ABCA5: variants seen among roughly 807,000 people sequenced by gnomAD.
ABCA5 encodes ATP binding cassette subfamily A member 5.
A neutral mutation model predicts 206.0 loss-of-function variants in ABCA5; 163 were observed. The observed-to-expected ratio is 0.79, with a 90% CI of 0.70 to 0.90. The LOEUF is 0.90. Ranked by LOEUF, ABCA5 falls within the 40% of genes least tolerant of loss-of-function variation. The pLI is 0.00. For missense variants in ABCA5, 1,859 were observed against 1,912.9 expected (o/e 0.97, Z 0.53); for synonymous variants, 609 against 613.8 (o/e 0.99, Z 0.11).
chr17:69,256,173 C>T lies in ABCA5; in HGVS notation c.3842G>A (p.Cys1281Tyr). The T allele has an allele frequency of 6.2e-7, 1 of 1,604,250 alleles. No homozygotes were observed. Among genetic ancestry groups the T allele is most frequent in the Non-Finnish European group, 8.5e-7 (1 of 1,175,802 alleles). ...ATAAATTACCTCCTCACAACACTGG[C>T]AACCCATCAGCTCTTTGACCTTTAG... ...ERLKVKELMG[C>Y]QCCEEKPSIM... is the part of the protein sequence containing the mutation. The change falls in exon 29 of 39, where the codon TGC becomes TAC. Residue 1281 changes from cysteine to tyrosine, a missense_variant. Transcript: ENST00000392676.
intron 15 of ABCA5, among the ~76,000 whole-genome samples, chr17:69,287,173 A>T (rs2075465316): frequency 6.6e-6 from 1 of 152,204 alleles, no homozygotes. Flanking sequence ...TTGAACACTG[A>T]GTATATACTA....
At chr17:69,256,532 T>C (rs538307441) in intron 28 of ABCA5, among the ~76,000 whole-genome samples, 24 of 151,158 alleles carry the variant, frequency 1.6e-4, no homozygotes, top group African/African-American at 5.3e-4. Context: ...CTCAGGTCAC[T>C]ATAACCTCTG....
chr17:69,295,464 T>A (rs1455218592), intron 10 of ABCA5, among the ~76,000 whole-genome samples: 2 of 152,202 alleles, frequency 1.3e-5, no homozygotes, highest in Non-Finnish European at 2.9e-5. Flanking sequence ...CACAAGGAGA[T>A]AATTGAGTCA....
chr17:69,287,855 C>T (rs2075476788), intron 14 of ABCA5, 104 bp from the exon 15 acceptor site: 1 of 1,109,982 alleles, frequency 9.0e-7, no homozygotes, highest in African/African-American at 1.6e-5. Context: ...TTATTATTTT[C>T]AATCAGAAAT....
rs1274651558 is a variant in ABCA5, at chr17:69,247,013, T to C, written c.*524A>G. The C allele has an allele frequency of 6.6e-6, 1 of 152,058 alleles. No individual in the cohort carries two copies. The highest frequency in any genetic ancestry group is 6.6e-5 in the Admixed American group (1 of 15,256). 9.4% of individuals were successfully genotyped at this position (152,058 alleles called of 1,614,324 possible). A position where few individuals can be genotyped will look rare whatever the true frequency, so the allele number is the denominator to read the frequency against. ...ATATAACTTTCCTCAAATCTCTATA[T>C]TGAGATTTCCTAGTGCTTACACTTC... On this transcript the variant is annotated 3_prime_UTR_variant, in exon 39 of 39. Coordinates refer to ENST00000392676, the MANE Select transcript of ABCA5 (RefSeq NM_172232.4).
intron 20 of ABCA5, among the ~76,000 whole-genome samples, chr17:69,271,897 A>C (rs2075277520): frequency 6.6e-6 from 1 of 152,094 alleles, no homozygotes; most frequent in African/African-American, 2.4e-5. Flanking sequence ...ACATAATCAC[A>C]TCTCTACATT....
rs1200797881 is a variant in ABCA5 at position 69,248,143 on chromosome 17, A to C, written c.4821+119T>G. The C allele has an allele frequency of 8.4e-6, 5 of 596,708 alleles. No individual in the cohort carries two copies. The Admixed American group carries it at 1.6e-4, about 19-fold the overall frequency. 37.0% of individuals were successfully genotyped at this position (596,708 alleles called of 1,614,324 possible). On this transcript the variant is annotated intron_variant, in intron 38 of 38. Transcript: ENST00000392676. ...TTAAAATTATACCAAGTTTAAGATC[A>C]TTCTGTACCAATTTGTCACTGGTTT...
intron 10 of ABCA5, among the ~76,000 whole-genome samples, chr17:69,296,534 C>T (rs539793212): frequency 6.5e-4 from 99 of 152,248 alleles, no homozygotes; most frequent in Admixed American, 1.7e-3. Context: ...ATTTAATATG[C>T]TGTATAAAAC....
chr17:69,271,035 G>C, intron 21 of ABCA5, 127 bp downstream of exon 21: 1 of 1,160,260 alleles, frequency 8.6e-7, no homozygotes, highest in Non-Finnish European at 1.2e-6. Flanking sequence ...AAGACAGCTA[G>C]TTATTTCCAA....
chr17:69,250,366 T>C (rs1249397458), intron 36 of ABCA5, 106 bp downstream of exon 36: 2 of 875,476 alleles, frequency 2.3e-6, no homozygotes, highest in Non-Finnish European at 1.7e-6. Context: ...TATATATATA[T>C]ATGGTCTATG....
intron 14 of ABCA5, 91 bp downstream of exon 14, chr17:69,289,086 C>T (rs887912786): frequency 4.7e-6 from 6 of 1,269,020 alleles, no homozygotes; most frequent in Non-Finnish European, 6.4e-6. Flanking sequence ...TACACTTAAC[C>T]TTTACATAAT....
At chr17:69,252,293 G>A (rs1014316036) in intron 34 of ABCA5, among the ~76,000 whole-genome samples, 9 of 152,110 alleles carry the variant, frequency 5.9e-5, no homozygotes, top group Admixed American at 2.0e-4. Flanking sequence ...GATTACAGGC[G>A]TGAGCCACTG....
Position 69,254,437 on chromosome 17 carries a change from C to T in ABCA5, c.4122G>A (p.Lys1374=), listed in dbSNP as rs1268409268. ...SETSEDDDSL[K]CMGYCPQINP... is the part of the protein sequence containing the mutation. ...TTATCTGAGGACAGTAACCCATACA[C>T]TTCAGTGAATCATCATCTTCACTTG... The change falls in exon 32 of 39, where the codon AAG becomes AAA. Residue 1374 remains lysine (K), a synonymous_variant. Transcript: ENST00000392676. 2 of 1,613,410 alleles carry T rather than the reference C, an allele frequency of 1.2e-6. No homozygotes were observed. Among genetic ancestry groups the T allele is most frequent in the South Asian group, 1.1e-5 (1 of 90,934 alleles).
At chr17:69,263,496 A>G (rs1401776988) in intron 24 of ABCA5, among the ~76,000 whole-genome samples, 1 of 151,732 alleles carries the variant, frequency 6.6e-6, no homozygotes. Flanking sequence ...GTCCTTTCCT[A>G]TTGCTTATTT....
chr17:69,272,269 T>C (rs1000559304), intron 20 of ABCA5, among the ~76,000 whole-genome samples: 8 of 151,902 alleles, frequency 5.3e-5, no homozygotes, highest in Admixed American at 5.2e-4. Flanking sequence ...GCACAAGAGA[T>C]ACAAAAAGCT....
At chr17:69,308,247 T>A in intron 5 of ABCA5, 33 bp downstream of exon 5, 1 of 1,342,672 alleles carries the variant, frequency 7.4e-7, no homozygotes, top group Non-Finnish European at 1.1e-6. Flanking sequence ...TAAAATGGCA[T>A]AGTTTTTGTA....
chr17:69,301,511 ATGT>A (rs2075652114), intron 8 of ABCA5, among the ~76,000 whole-genome samples: 1 of 152,144 alleles, frequency 6.6e-6, no homozygotes, highest in South Asian at 2.1e-4. Context: ...CATGTTTTTA[ATGT>A]TGTGCTTCTT....
rs758206929 is a variant in ABCA5, at chr17:69,274,748, T to C, written c.2595-620A>G. ...CTAAGAGTATGTAAACACGTAGTTA[T>C]AACTGTTAAAACACAAGACATTATG... On this transcript the variant is annotated intron_variant, in intron 19 of 38. Coordinates refer to ENST00000392676, the MANE Select transcript of ABCA5 (RefSeq NM_172232.4). 3.3e-5 allele frequency among the ~76,000 whole-genome samples: 5 copies of C among 151,964 alleles called. No individual in the cohort carries two copies. In the South Asian group the frequency reaches 6.2e-4, roughly 19 times the overall value.
intron 1 of ABCA5, among the ~76,000 whole-genome samples, chr17:69,323,822 C>T (rs2075881458): frequency 6.6e-6 from 1 of 152,154 alleles, no homozygotes; most frequent in African/African-American, 2.4e-5. Context: ...GGGGCTAAAT[C>T]CAACCCTCAG....
Sources: allele counts gnomAD v4.1 joint callset (sites outside exome capture counted in the v4.1 genomes callset), GRCh38; gene constraint gnomAD v4.1.1; transcripts MANE v1.5; gene names NCBI Gene and HGNC (gene_info 2026-07-23, HGNC 2026-07-21).